MYO10: variants seen among roughly 807,000 people sequenced by gnomAD.
MYO10 encodes myosin X.
MYO10 carries 133 observed loss-of-function variants against 257.3 expected under a neutral mutation model. The ratio of observed to expected loss-of-function variants is 0.52; its 90% CI spans 0.45 to 0.60. The LOEUF (loss-of-function observed/expected upper bound fraction) is 0.60, where lower values mean the gene tolerates loss of function less well. Among genes scored for constraint, MYO10 ranks in the 20% least tolerant of loss-of-function variants. MYO10 has a pLI of 0.00. For missense variants in MYO10, 2,399 were observed against 2,635.7 expected (o/e 0.91, Z 1.97); for synonymous variants, 1,104 against 1,028.6 (o/e 1.07, Z -1.40).
chr5:16,852,291 G>A (rs1168976574), intron 2 of MYO10, among the ~76,000 whole-genome samples: 1 of 151,306 alleles, frequency 6.6e-6, no homozygotes, highest in Non-Finnish European at 1.5e-5. Context: ...TAGGTCACCA[G>A]TGACATTTAT....
At chr5:16,893,196 CAAAAAA>C (rs59761183) in intron 1 of MYO10, among the ~76,000 whole-genome samples, 8 of 69,572 alleles carry the variant, frequency 1.1e-4, no homozygotes, top group African/African-American at 2.6e-4. Context: ...GACTCTGTCT[CAAAAAA>C]AAAAAAAAAA....
intron 21 of MYO10, among the ~76,000 whole-genome samples, chr5:16,708,321 G>GT (rs1218471823): frequency 6.6e-6 from 1 of 152,158 alleles, no homozygotes; most frequent in Non-Finnish European, 1.5e-5. Flanking sequence ...TTCATCCACT[G>GT]TGTGTGAATA....
At chr5:16,740,266 C>A (rs1739969328) in intron 19 of MYO10, among the ~76,000 whole-genome samples, 1 of 152,040 alleles carries the variant, frequency 6.6e-6, no homozygotes, top group Admixed American at 6.6e-5. Context: ...GCAAAGTGAG[C>A]TTTAGAACAA....
chr5:16,931,544 G>A lies in MYO10; in HGVS notation c.21+4244C>T, dbSNP rs1431001071. On this transcript the variant is annotated intron_variant, in intron 1 of 40. Coordinates refer to ENST00000513610, the MANE Select transcript of MYO10 (RefSeq NM_012334.3). ...GTGAGGAAGCAGTCCTACCCTGCCC[G>A]CCCCAGCCAGACAGCTTATTGCTCC... Among the ~76,000 whole-genome samples the A allele has an allele frequency of 9.2e-5, 14 of 151,942 alleles. No homozygotes were observed. In the East Asian group the frequency reaches 1.2e-3, roughly 13 times the overall value.
intron 2 of MYO10, among the ~76,000 whole-genome samples, chr5:16,819,560 A>G (rs116491851): frequency 5.7e-4 from 85 of 149,598 alleles, no homozygotes; most frequent in Non-Finnish European, 9.9e-4. Context: ...CAAGAGATTT[A>G]AAAAAAAAAG....
chr5:16,764,355 C>T lies in MYO10; in HGVS notation c.1221G>A (p.Ala407=), dbSNP rs930643161. The T allele has an allele frequency of 1.9e-5, 31 of 1,613,822 alleles. No individual in the cohort carries two copies. Among genetic ancestry groups the T allele is most frequent in the East Asian group, 1.3e-4 (6 of 44,858 alleles). Residue 407 remains alanine, a synonymous_variant, in exon 12 of 41, where the codon GCG becomes GCA. Transcript: ENST00000513610. ...TCTTGATTACCCACTCAAAGCAGCACGCATACAGAGCCATGGCCAGGGAGT... is the reference window on the plus strand; with the variant it reads ...TCTTGATTACCCACTCAAAGCAGCATGCATACAGAGCCATGGCCAGGGAGT... The part of the protein sequence containing the change: ...SRDSLAMALY[A]CCFEWVIKKI...
At chr5:16,929,240 A>C (rs1220701927) in intron 1 of MYO10, among the ~76,000 whole-genome samples, 1 of 152,120 alleles carries the variant, frequency 6.6e-6, no homozygotes, top group East Asian at 1.9e-4. Flanking sequence ...GGCATGAGCC[A>C]CTGCACCCGG....
chr5:16,815,849 C>T (rs1742587878), intron 3 of MYO10, among the ~76,000 whole-genome samples: 1 of 152,004 alleles, frequency 6.6e-6, no homozygotes, highest in Non-Finnish European at 1.5e-5. Flanking sequence ...CAGAATGCAT[C>T]GCCACTTTCA....
chr5:16,775,514 G>C (rs1049991194), intron 9 of MYO10, among the ~76,000 whole-genome samples: 5 of 152,188 alleles, frequency 3.3e-5, no homozygotes, highest in Admixed American at 6.5e-5. Context: ...CTACAGCCTC[G>C]AACTCCCTGG....
intron 19 of MYO10, among the ~76,000 whole-genome samples, chr5:16,747,918 CAAAAAAAAAAAAAAAAAAAAA>C (rs777257950): frequency 3.3e-5 from 1 of 30,480 alleles, no homozygotes; most frequent in Non-Finnish European, 2.4e-4. Flanking sequence ...AACTCCGTCT[CAAAAAAAAAAAAAAAAAAAAA>C]AAAAAAAGAA....
intron 1 of MYO10, among the ~76,000 whole-genome samples, chr5:16,904,432 G>A (rs547259009): frequency 1.2e-3 from 176 of 152,310 alleles, no homozygotes; most frequent in African/African-American, 3.9e-3. Flanking sequence ...CAGAAGCACA[G>A]GTGCAGCAAC....
intron 40 of MYO10, among the ~76,000 whole-genome samples, chr5:16,667,102 T>G (rs1040547524): frequency 1.3e-5 from 2 of 152,202 alleles, no homozygotes; most frequent in Admixed American, 6.5e-5. Context: ...AGTTACTCGG[T>G]GTCAACAGTG....
At chr5:16,748,067 T>G (rs1740261101) in intron 19 of MYO10, among the ~76,000 whole-genome samples, 1 of 151,176 alleles carries the variant, frequency 6.6e-6, no homozygotes, top group Non-Finnish European at 1.5e-5. Context: ...TAAAGAAATA[T>G]TTTGTCTTTG....
At chr5:16,860,161 G>A (rs935189805) in intron 2 of MYO10, among the ~76,000 whole-genome samples, 1 of 152,144 alleles carries the variant, frequency 6.6e-6, no homozygotes, top group Admixed American at 6.5e-5. Flanking sequence ...AAAAAGAAAA[G>A]AGGGCAGGGC....
intron 3 of MYO10, among the ~76,000 whole-genome samples, chr5:16,806,893 G>A (rs771973747): frequency 7.9e-5 from 12 of 152,128 alleles, no homozygotes; most frequent in Non-Finnish European, 1.6e-4. Flanking sequence ...GGGATCCTCT[G>A]TTACCCCACA....
chr5:16,879,690 T>C (rs1365890806), intron 1 of MYO10, among the ~76,000 whole-genome samples: 1 of 152,168 alleles, frequency 6.6e-6, no homozygotes, highest in Non-Finnish European at 1.5e-5. Context: ...AAATAATTCA[T>C]AAATAAATCA....
chr5:16,828,794 C>T (rs1010591970), intron 2 of MYO10, among the ~76,000 whole-genome samples: 1 of 151,784 alleles, frequency 6.6e-6, no homozygotes, highest in African/African-American at 2.4e-5. Flanking sequence ...GAGTGAACTA[C>T]AGCCTGGAAC....
chr5:16,890,943 C>A (rs1745031084), intron 1 of MYO10, among the ~76,000 whole-genome samples: 1 of 151,788 alleles, frequency 6.6e-6, no homozygotes, highest in African/African-American at 2.4e-5. Flanking sequence ...TCACAAAGGA[C>A]CACATGTTGT....
chr5:16,913,165 G>T (rs1031643766), intron 1 of MYO10, among the ~76,000 whole-genome samples: 1 of 89,580 alleles, frequency 1.1e-5, no homozygotes, highest in Non-Finnish European at 2.5e-5. Flanking sequence ...CCAAGATTAG[G>T]TTATAGAGGA....
Sources: gnomAD v4.1 joint callset for allele counts (sites outside exome capture counted in the v4.1 genomes callset) on GRCh38, gnomAD v4.1.1 for gene constraint, MANE v1.5 for transcripts, NCBI Gene and HGNC (gene_info 2026-07-23, HGNC 2026-07-21) for gene names.